Variants in NHLRC2 observed in about 807,000 individuals in gnomAD.
The protein encoded by NHLRC2 is NHL repeat-containing protein 2.
NHLRC2 carries 33 observed loss-of-function variants against 68.1 expected under a neutral mutation model. That is an observed-to-expected ratio of 0.48 (90% CI 0.37 to 0.65). The LOEUF is 0.65. Among genes scored for constraint, NHLRC2 ranks in the 30% least tolerant of loss-of-function variants. NHLRC2 has a pLI of 0.00. For synonymous variants in NHLRC2, 311 were observed against 309.6 expected, an observed-to-expected ratio of 1.00 and a Z score of -0.05; for missense variants, 761 against 853.8, an observed-to-expected ratio of 0.89 and a Z score of 1.35.
chr10:113,903,906 C>A (rs1405717802), intron 9 of NHLRC2, among the ~76,000 whole-genome samples, 170 bp downstream of exon 9: 1 of 151,624 alleles, frequency 6.6e-6, no homozygotes, highest in African/African-American at 2.4e-5. Context: ...TTAAGGATAT[C>A]CTTTTATTCT....
rs148152176 is a variant in NHLRC2, at chr10:113,903,103, A to G, written c.1495-424A>G. On this transcript the variant is annotated intron_variant, in intron 8 of 10. Coordinates refer to ENST00000369301, the MANE Select transcript of NHLRC2 (RefSeq NM_198514.4). ...TGATGTGAGACCATAAATTTAATAT[A>G]ATTGAGACATAACTGTCAATCATTA... Among the ~76,000 whole-genome samples, 54 of 152,350 alleles carry G rather than the reference A, an allele frequency of 3.5e-4. No homozygotes were observed. The East Asian group carries it at 9.8e-3, about 28-fold the overall frequency.
chr10:113,869,898 ATTTC>A (rs1369608631), intron 2 of NHLRC2, among the ~76,000 whole-genome samples: 7 of 152,160 alleles, frequency 4.6e-5, no homozygotes, highest in South Asian at 2.1e-4. Context: ...ATCTTTTGGT[ATTTC>A]TTTGTCGTTT....
At chr10:113,873,291 A>G (rs1284316948) in intron 2 of NHLRC2, among the ~76,000 whole-genome samples, 1 of 152,210 alleles carries the variant, frequency 6.6e-6, no homozygotes, top group East Asian at 1.9e-4. Flanking sequence ...AGGGAGAGCT[A>G]GAGAACCATG....
At chr10:113,875,691 A>G (rs1312026185) in intron 2 of NHLRC2, among the ~76,000 whole-genome samples, 4 of 152,180 alleles carry the variant, frequency 2.6e-5, no homozygotes, top group African/African-American at 9.7e-5. Context: ...GTGTGTCTTC[A>G]AGCATGCATG....
At chr10:113,863,915 GA>G (rs1314848231) in intron 2 of NHLRC2, among the ~76,000 whole-genome samples, 1 of 152,118 alleles carries the variant, frequency 6.6e-6, no homozygotes, top group Non-Finnish European at 1.5e-5. Flanking sequence ...AAACTATGAA[GA>G]AATAGAAAAC....
Position 113,908,784 on chromosome 10 carries a change from A to G in NHLRC2, c.*248A>G, listed in dbSNP as rs1435642470. On this transcript the variant is annotated 3_prime_UTR_variant, in exon 11 of 11. Coordinates refer to ENST00000369301, the MANE Select transcript of NHLRC2 (RefSeq NM_198514.4). ...CATTGGTACCATGATATTGTAATCTATGCTGCTATTTGGCACAAGACTGAA... is the reference window on the plus strand; with the variant it reads ...CATTGGTACCATGATATTGTAATCTGTGCTGCTATTTGGCACAAGACTGAA... 8 of 494,562 alleles carry G rather than the reference A, an allele frequency of 1.6e-5. No individual in the cohort carries two copies. Among genetic ancestry groups the G allele is most frequent in the African/African-American group, 5.8e-5 (3 of 52,152 alleles). 30.6% of individuals were successfully genotyped at this position (494,562 alleles called of 1,614,324 possible).
chr10:113,908,421 G>A lies in NHLRC2; in HGVS notation c.2066G>A (p.Cys689Tyr). Reference sequence around the variant, plus strand: ...TCTGTCAGTGTGTTTCTTTATTACTGTAGTGCAGACAGCAGTGCTTGTATG... The same window carrying A: ...TCTGTCAGTGTGTTTCTTTATTACTATAGTGCAGACAGCAGTGCTTGTATG... ...IVSVSVFLYY[C>Y]SADSSACMMK... Residue 689 changes from cysteine (C) to tyrosine (Y), a missense_variant, in exon 11 of 11, where the codon TGT (cysteine) becomes TAT (tyrosine). Transcript: ENST00000369301. 1 of 1,613,968 alleles carries A rather than the reference G, an allele frequency of 6.2e-7. No individual in the cohort carries two copies. The highest frequency in any genetic ancestry group is 8.5e-7 in the Non-Finnish European group (1 of 1,179,908).
chr10:113,907,833 A>G (rs1393346105), intron 10 of NHLRC2, among the ~76,000 whole-genome samples: 3 of 152,170 alleles, frequency 2.0e-5, no homozygotes, highest in Admixed American at 6.5e-5. Flanking sequence ...TTGCACATAC[A>G]TTTGTATTCC....
At position 113,864,280 on chromosome 10, in the gene NHLRC2, G is replaced by A. The variant is rs541364188; in HGVS notation, c.331+5600G>A. On this transcript the variant is annotated intron_variant, in intron 2 of 10. Transcript: ENST00000369301. ...TTAATGGGTACATTTTCAGTTTTGCGAGATGAAATGAGTTCCGGAGATGGA... is the reference window on the plus strand; with the variant it reads ...TTAATGGGTACATTTTCAGTTTTGCAAGATGAAATGAGTTCCGGAGATGGA... Among the ~76,000 whole-genome samples, 6 of 152,300 alleles carry A rather than the reference G, an allele frequency of 3.9e-5. No individual in the cohort carries two copies. In the South Asian group the frequency reaches 8.3e-4, roughly 21 times the overall value.
intron 5 of NHLRC2, among the ~76,000 whole-genome samples, chr10:113,890,122 T>G (rs549447491): frequency 6.6e-6 from 1 of 152,330 alleles, no homozygotes; most frequent in East Asian, 1.9e-4. Flanking sequence ...TTTTCCACAG[T>G]GGCTGTTTTC....
intron 2 of NHLRC2, among the ~76,000 whole-genome samples, chr10:113,869,071 A>C (rs2134697471): frequency 6.6e-6 from 1 of 152,330 alleles, no homozygotes; most frequent in South Asian, 2.1e-4. Context: ...TGTGTTTTTA[A>C]AAGATCAGTG....
intron 2 of NHLRC2, among the ~76,000 whole-genome samples, chr10:113,859,948 T>G (rs954854959): frequency 5.3e-5 from 8 of 152,132 alleles, no homozygotes; most frequent in Non-Finnish European, 1.2e-4. Flanking sequence ...CTGAGGAAGC[T>G]TCAGGTAAAC....
intron 3 of NHLRC2, among the ~76,000 whole-genome samples, chr10:113,877,517 A>G (rs1564853360): frequency 6.6e-6 from 1 of 152,144 alleles, no homozygotes; most frequent in Non-Finnish European, 1.5e-5. Context: ...AAATAGGTGT[A>G]GCAGAGTATG....
intron 6 of NHLRC2, among the ~76,000 whole-genome samples, chr10:113,900,738 G>A (rs966372618): frequency 6.6e-6 from 1 of 152,072 alleles, no homozygotes; most frequent in Non-Finnish European, 1.5e-5. Flanking sequence ...TTGAATAAGT[G>A]GCCATATTTT....
chr10:113,888,391 C>T (rs1203433704), intron 5 of NHLRC2, among the ~76,000 whole-genome samples: 1 of 152,020 alleles, frequency 6.6e-6, no homozygotes, highest in Non-Finnish European at 1.5e-5. Flanking sequence ...ACAGTATACA[C>T]ATAGATCAAA....
intron 5 of NHLRC2, among the ~76,000 whole-genome samples, chr10:113,885,838 A>G (rs1411128540): frequency 1.3e-5 from 2 of 152,086 alleles, no homozygotes; most frequent in East Asian, 3.8e-4. Context: ...AAAGTTAAAA[A>G]GTAAGAAGAA....
At chr10:113,858,423 T>C in intron 1 of NHLRC2, 105 bp from the exon 2 acceptor site, 1 of 708,672 alleles carries the variant, frequency 1.4e-6, no homozygotes, top group Non-Finnish European at 2.4e-6. Flanking sequence ...CTCAAAGTGT[T>C]TATTTGCATT....
chr10:113,855,170 C>A, intron 1 of NHLRC2, 120 bp downstream of exon 1: 1 of 879,802 alleles, frequency 1.1e-6, no homozygotes, highest in Non-Finnish European at 1.8e-6. Flanking sequence ...GGGGAGTGGC[C>A]CTTCGCCTAA....
At position 113,909,941 on chromosome 10, in the gene NHLRC2, A is replaced by G. The variant is rs1041259524; in HGVS notation, c.*1405A>G. On this transcript the variant is annotated 3_prime_UTR_variant, in exon 11 of 11. Coordinates refer to ENST00000369301, the MANE Select transcript of NHLRC2 (RefSeq NM_198514.4). ...TTGTCTATTTTTAATTTTGTTTGAA[A>G]TGTAGTATTAGTTTGTTTTATTCAT... The G allele has an allele frequency of 6.6e-6, 1 of 152,140 alleles. No homozygotes were observed. Among genetic ancestry groups the G allele is most frequent in the African/African-American group, 2.4e-5 (1 of 41,456 alleles). The allele number at this position is 152,140 out of a possible 1,614,324, so 9.4% of individuals were successfully genotyped here. A position where few individuals can be genotyped will look rare whatever the true frequency, so the allele number is the denominator to read the frequency against.
Sources: allele counts gnomAD v4.1 joint callset (sites outside exome capture counted in the v4.1 genomes callset), GRCh38; gene constraint gnomAD v4.1.1; transcripts MANE v1.5; gene names NCBI Gene and HGNC (gene_info 2026-07-23, HGNC 2026-07-21).